The following TLL1 variants were observed in gnomAD, a reference collection of about 807,000 sequenced individuals.
TLL1 encodes tolloid-like protein 1.
TLL1 carries 49 observed loss-of-function variants against 128.2 expected under a neutral mutation model. That is an observed-to-expected ratio of 0.38 (90% CI 0.30 to 0.48). The LOEUF (loss-of-function observed/expected upper bound fraction) is 0.48, where lower values mean the gene tolerates loss of function less well. Ranked by LOEUF, TLL1 falls within the 20% of genes least tolerant of loss-of-function variation. The pLI, the probability that TLL1 is intolerant of heterozygous loss-of-function variation, is 0.96. For synonymous variants in TLL1, 454 were observed against 418.8 expected, an observed-to-expected ratio of 1.08 and a Z score of -1.03; for missense variants, 1,123 against 1,242.0, an observed-to-expected ratio of 0.90 and a Z score of 1.44.
At chr4:165,971,957 G>T (rs1579564653) in intron 1 of TLL1, among the ~76,000 whole-genome samples, 1 of 152,254 alleles carries the variant, frequency 6.6e-6, no homozygotes, top group African/African-American at 2.4e-5. Context: ...TAGAGTGACA[G>T]CAACATTCTC....
At chr4:165,965,571 C>T (rs963615865) in intron 1 of TLL1, among the ~76,000 whole-genome samples, 9 of 152,154 alleles carry the variant, frequency 5.9e-5, no homozygotes, top group Admixed American at 5.2e-4. Context: ...TAGAAAAGGA[C>T]TGAGAAAAGG....
At chr4:165,961,998 A>G (rs981803000) in intron 1 of TLL1, among the ~76,000 whole-genome samples, 3 of 152,106 alleles carry the variant, frequency 2.0e-5, no homozygotes, top group Non-Finnish European at 2.9e-5. Context: ...AAACTAAGAA[A>G]TGTTCTTCTT....
chr4:165,884,742 A>C (rs912782649), intron 1 of TLL1, among the ~76,000 whole-genome samples: 10 of 152,200 alleles, frequency 6.6e-5, no homozygotes, highest in African/African-American at 1.9e-4. Context: ...AGGCTGATGC[A>C]GGAGAATTGC....
At chr4:165,987,506 T>C (rs1334783025) in intron 1 of TLL1, among the ~76,000 whole-genome samples, 2 of 152,024 alleles carry the variant, frequency 1.3e-5, no homozygotes, top group African/African-American at 4.8e-5. Flanking sequence ...TTCTGTACAC[T>C]CTTTGTGGCT....
intron 7 of TLL1, among the ~76,000 whole-genome samples, chr4:166,013,930 A>G: frequency 6.6e-6 from 1 of 151,724 alleles, no homozygotes; most frequent in Non-Finnish European, 1.5e-5. Context: ...ATATGCTGTA[A>G]TACTTGGACT....
chr4:165,999,784 T>C (rs1246912410), intron 5 of TLL1, among the ~76,000 whole-genome samples: 2 of 152,082 alleles, frequency 1.3e-5, no homozygotes, highest in Non-Finnish European at 2.9e-5. Context: ...CTGGAAAACT[T>C]ATTAAATCAA....
At chr4:165,993,035 C>T in intron 3 of TLL1, 151 bp downstream of exon 3, 1 of 651,840 alleles carries the variant, frequency 1.5e-6, no homozygotes. Flanking sequence ...TAGCTCATAT[C>T]TGATCAAAGC....
At position 165,905,053 on chromosome 4, in the gene TLL1, TG is replaced by T. The variant is rs778105334; in HGVS notation, c.169+30981del. Among the ~76,000 whole-genome samples, 14 of 152,304 alleles carry T rather than the reference TG, an allele frequency of 9.2e-5. No homozygotes were observed. The East Asian group carries it at 2.1e-3, about 23-fold the overall frequency. On this transcript the variant is annotated intron_variant, in intron 1 of 20. Transcript: ENST00000061240. ...AATACTGGACCAGTACCCCTCCAAA[TG>T]CCTGATAATAAATACCAAGTGTTAG...
intron 18 of TLL1, among the ~76,000 whole-genome samples, chr4:166,085,854 T>C (rs1741486205): frequency 6.6e-6 from 1 of 152,172 alleles, no homozygotes; most frequent in Non-Finnish European, 1.5e-5. Flanking sequence ...AAGACAATTT[T>C]ATGAGACAAT....
At position 165,873,496 on chromosome 4, in the gene TLL1, G is replaced by A. The variant is rs1320364133; in HGVS notation, c.-409G>A. The A allele has an allele frequency of 6.5e-6, 1 of 154,620 alleles. No homozygotes were observed. The highest frequency in any genetic ancestry group is 1.4e-5 in the Non-Finnish European group (1 of 69,974). 9.6% of individuals were successfully genotyped at this position (154,620 alleles called of 1,614,324 possible). ...GCAGCAGCGGGGACGCGGCGCGGGAGTCCGAGCTCTGGTGGCAGCTGAGCC... is the reference window on the plus strand; with the variant it reads ...GCAGCAGCGGGGACGCGGCGCGGGAATCCGAGCTCTGGTGGCAGCTGAGCC... On this transcript the variant is annotated 5_prime_UTR_variant, in exon 1 of 21. Transcript: ENST00000061240.
chr4:166,066,943 T>C (rs1740600546), intron 16 of TLL1, among the ~76,000 whole-genome samples: 1 of 151,818 alleles, frequency 6.6e-6, no homozygotes, highest in South Asian at 2.1e-4. Flanking sequence ...AAATATTATG[T>C]GTGTTATAAA....
intron 7 of TLL1, among the ~76,000 whole-genome samples, chr4:166,012,128 C>T (rs138825115): frequency 3.6e-4 from 54 of 151,482 alleles, no homozygotes; most frequent in African/African-American, 1.2e-3. Context: ...TTTAAAAAGT[C>T]GTAAAATTTT....
chr4:165,935,312 T>C (rs140319832), intron 1 of TLL1, among the ~76,000 whole-genome samples: 13 of 152,320 alleles, frequency 8.5e-5, no homozygotes, highest in Non-Finnish European at 1.5e-4. Context: ...TGCTTAATGC[T>C]TAGTTACCTT....
chr4:166,062,780 C>T (rs1214126441), intron 15 of TLL1, among the ~76,000 whole-genome samples: 2 of 152,138 alleles, frequency 1.3e-5, no homozygotes, highest in African/African-American at 4.8e-5. Context: ...TGAGAGAGGG[C>T]ATCCCTGTCT....
chr4:165,910,473 C>A (rs1323482150), intron 1 of TLL1, among the ~76,000 whole-genome samples: 1 of 152,072 alleles, frequency 6.6e-6, no homozygotes, highest in African/African-American at 2.4e-5. Context: ...TCCATTGATT[C>A]CTAAATCTTA....
At chr4:165,880,653 A>T (rs1730931875) in intron 1 of TLL1, among the ~76,000 whole-genome samples, 2 of 152,204 alleles carry the variant, frequency 1.3e-5, no homozygotes, top group Non-Finnish European at 2.9e-5. Context: ...AAGTCAGGGG[A>T]GTTGTTACGG....
chr4:166,067,599 T>C (rs1740626607), intron 16 of TLL1, among the ~76,000 whole-genome samples: 1 of 151,762 alleles, frequency 6.6e-6, no homozygotes, highest in African/African-American at 2.4e-5. Context: ...GTAAATCATG[T>C]TCACTGATGC....
intron 18 of TLL1, among the ~76,000 whole-genome samples, chr4:166,090,722 A>T (rs1424250317): frequency 6.6e-6 from 1 of 152,068 alleles, no homozygotes; most frequent in Admixed American, 6.6e-5. Flanking sequence ...TAAGTGCCTA[A>T]GGGTAGGATA....
chr4:166,015,414 A>G (rs1737890714), intron 8 of TLL1, among the ~76,000 whole-genome samples: 1 of 152,022 alleles, frequency 6.6e-6, no homozygotes, highest in Admixed American at 6.6e-5. Context: ...AAATCTGATA[A>G]TGTTTGCAGA....
Sources: gnomAD v4.1 joint callset for allele counts (sites outside exome capture counted in the v4.1 genomes callset) on GRCh38, gnomAD v4.1.1 for gene constraint, MANE v1.5 for transcripts, NCBI Gene and HGNC (gene_info 2026-07-23, HGNC 2026-07-21) for gene names.